Variants in CERKL observed in about 807,000 individuals in gnomAD.
CERKL encodes CERK like autophagy regulator.
A neutral mutation model predicts 63.4 loss-of-function variants in CERKL; 61 were observed. That is an observed-to-expected ratio of 0.96 (90% CI 0.78 to 1.19). The LOEUF (loss-of-function observed/expected upper bound fraction) is 1.19. Ranked by LOEUF, CERKL falls within the 50% of genes most tolerant of loss-of-function variation. The pLI is 0.00. For missense variants in CERKL, 675 were observed against 655.5 expected, an observed-to-expected ratio of 1.03 and a Z score of -0.33; for synonymous variants, 250 against 230.5, an observed-to-expected ratio of 1.08 and a Z score of -0.77.
At chr2:181,654,645 C>G (rs149142608) in intron 1 of CERKL, among the ~76,000 whole-genome samples, 3 of 152,190 alleles carry the variant, frequency 2.0e-5, no homozygotes, top group Non-Finnish European at 2.9e-5. Context: ...CTCCCAAGTA[C>G]AGTAACTTTG....
At chr2:181,581,364 C>G (rs113102966) in intron 2 of CERKL, among the ~76,000 whole-genome samples, 15 of 152,298 alleles carry the variant, frequency 9.8e-5, no homozygotes, top group African/African-American at 3.6e-4. Context: ...ACCTCCACTT[C>G]TTGATTCATA....
At chr2:181,602,833 C>A (rs1685513797) in intron 2 of CERKL, among the ~76,000 whole-genome samples, 1 of 152,148 alleles carries the variant, frequency 6.6e-6, no homozygotes, top group African/African-American at 2.4e-5. Flanking sequence ...TCTGATCTGA[C>A]TGATGCAGCA....
rs756424312 is a variant in CERKL at position 181,548,846 on chromosome 2, G to A, written c.907C>T (p.Leu303=). The A allele has an allele frequency of 5.6e-6, 9 of 1,613,634 alleles. No individual in the cohort carries two copies. The East Asian group carries it at 1.6e-4, about 28-fold the overall frequency. The change falls in exon 7 of 13, where the codon CTG becomes TTG. Residue 303 remains leucine, a synonymous_variant. Coordinates refer to ENST00000410087, the MANE Select transcript of CERKL (RefSeq NM_201548.5). ...TLHIIMGHVQ[L]VDVCTFSTAG... is the part of the protein sequence containing the mutation. ...GTGCTGAAGGTGCAGACGTCGACCA[G>A]CTGTACATGCCCTTGAATATTACAT...
At chr2:181,606,003 T>C (rs1574491531) in intron 1 of CERKL, among the ~76,000 whole-genome samples, 1 of 141,632 alleles carries the variant, frequency 7.1e-6, no homozygotes, top group East Asian at 2.1e-4. Context: ...TACATACCAC[T>C]AAAAAAAAGA....
At chr2:181,599,066 TA>T (rs1304905166) in intron 2 of CERKL, among the ~76,000 whole-genome samples, 1 of 151,960 alleles carries the variant, frequency 6.6e-6, no homozygotes, top group Non-Finnish European at 1.5e-5. Flanking sequence ...AATGACAGAC[TA>T]AAAAAACAAA....
chr2:181,643,660 C>T (rs115813597), intron 1 of CERKL, among the ~76,000 whole-genome samples: 373 of 152,264 alleles, frequency 2.4e-3, no homozygotes, highest in Non-Finnish European at 4.5e-3. Context: ...CCTAAAGGGC[C>T]GTCATTTCAG....
chr2:181,618,444 TCTCA>T (rs1686305419), intron 1 of CERKL, among the ~76,000 whole-genome samples: 1 of 151,946 alleles, frequency 6.6e-6, no homozygotes, highest in Admixed American at 6.6e-5. Context: ...TGAGACAGAG[TCTCA>T]CTCTGTTGCC....
intron 1 of CERKL, among the ~76,000 whole-genome samples, chr2:181,605,096 A>G (rs1685623620): frequency 1.3e-5 from 2 of 152,208 alleles, no homozygotes; most frequent in African/African-American, 2.4e-5. Flanking sequence ...GTTTTCAGAC[A>G]TTGGACATCA....
At chr2:181,599,282 T>C (rs1012602034) in intron 2 of CERKL, among the ~76,000 whole-genome samples, 8 of 152,114 alleles carry the variant, frequency 5.3e-5, no homozygotes, top group African/African-American at 1.9e-4. Context: ...ACACCTGTAA[T>C]CACAGCACTT....
At chr2:181,637,007 T>C (rs1401149606) in intron 1 of CERKL, among the ~76,000 whole-genome samples, 1 of 152,162 alleles carries the variant, frequency 6.6e-6, no homozygotes, top group African/African-American at 2.4e-5. Context: ...GACCCCATAA[T>C]TGGTGCTCCC....
chr2:181,626,747 T>C (rs945237121), intron 1 of CERKL, among the ~76,000 whole-genome samples: 7 of 152,170 alleles, frequency 4.6e-5, no homozygotes, highest in Non-Finnish European at 8.8e-5. Flanking sequence ...CTTATACAAA[T>C]CAGAAGAGGA....
intron 10 of CERKL, 24 bp from the exon 11 acceptor site, chr2:181,544,820 A>C: frequency 7.0e-7 from 1 of 1,435,680 alleles, no homozygotes; most frequent in Non-Finnish European, 9.7e-7. Flanking sequence ...TTTCTATTAG[A>C]CATCAAGAAA....
At chr2:181,575,085 T>C (rs1234871668) in intron 2 of CERKL, among the ~76,000 whole-genome samples, 2 of 152,182 alleles carry the variant, frequency 1.3e-5, no homozygotes, top group East Asian at 1.9e-4. Context: ...AGTGCTCAGA[T>C]TCATAAGATG....
intron 1 of CERKL, among the ~76,000 whole-genome samples, chr2:181,629,975 AAAAC>A (rs1299793584): frequency 1.3e-5 from 2 of 151,598 alleles, no homozygotes; most frequent in African/African-American, 2.4e-5. Flanking sequence ...AAAAAAAAAA[AAAAC>A]ACAAGAAGCC....
rs2105781880 is a variant in CERKL, at chr2:181,537,588, T to C, written c.*596A>G. 2.3e-6 allele frequency: 1 copy of C among 429,454 alleles called. No individual in the cohort carries two copies. Among genetic ancestry groups the C allele is most frequent in the Non-Finnish European group, 4.6e-6 (1 of 217,634 alleles). 26.6% of individuals were successfully genotyped at this position (429,454 alleles called of 1,614,324 possible). ...AGGCAGACTTATGAAATCTGTATTATATTTGTAACAGAATATAGGAAATTT... is the reference window on the plus strand; with the variant it reads ...AGGCAGACTTATGAAATCTGTATTACATTTGTAACAGAATATAGGAAATTT... On this transcript the variant is annotated 3_prime_UTR_variant, in exon 13 of 13. Transcript: ENST00000410087.
chr2:181,613,577 T>C (rs1686064542), intron 1 of CERKL, among the ~76,000 whole-genome samples: 1 of 152,032 alleles, frequency 6.6e-6, no homozygotes, highest in South Asian at 2.1e-4. Flanking sequence ...CAAGAAGAAA[T>C]TAAAAAGAAA....
At chr2:181,608,864 T>G (rs1317640424) in intron 1 of CERKL, among the ~76,000 whole-genome samples, 1 of 152,090 alleles carries the variant, frequency 6.6e-6, no homozygotes, top group Non-Finnish European at 1.5e-5. Flanking sequence ...TTAGGCCTAA[T>G]AAAAAATATG....
chr2:181,645,005 G>A (rs1002028277), intron 1 of CERKL, among the ~76,000 whole-genome samples: 1 of 152,136 alleles, frequency 6.6e-6, no homozygotes, highest in African/African-American at 2.4e-5. Flanking sequence ...GTTGAAGAGT[G>A]TGTCTCTCAT....
intron 5 of CERKL, among the ~76,000 whole-genome samples, chr2:181,556,777 T>C (rs1168081610): frequency 1.3e-5 from 2 of 152,244 alleles, no homozygotes; most frequent in Non-Finnish European, 2.9e-5. Flanking sequence ...GATGGCTGGA[T>C]CAAATGGTAT....
Sources: allele counts gnomAD v4.1 joint callset (sites outside exome capture counted in the v4.1 genomes callset), GRCh38; gene constraint gnomAD v4.1.1; transcripts MANE v1.5; gene names NCBI Gene and HGNC (gene_info 2026-07-23, HGNC 2026-07-21).